ZNF69: variants seen among roughly 807,000 people sequenced by gnomAD.
The protein encoded by ZNF69 is zinc finger protein 69, also known as ZNF3.
In ZNF69, 47 loss-of-function variants were observed where a neutral mutation model predicts 50.9. The ratio of observed to expected loss-of-function variants is 0.92; its 90% CI spans 0.73 to 1.18. ZNF69 has a LOEUF of 1.18. Among genes scored for constraint, ZNF69 ranks in the 50% most tolerant of loss-of-function variants. The pLI is 0.00. For synonymous variants in ZNF69, 216 were observed against 223.1 expected, an observed-to-expected ratio of 0.97 and a Z score of 0.29; for missense variants, 717 against 675.1, an observed-to-expected ratio of 1.06 and a Z score of -0.69.
Position 11,906,195 on chromosome 19 carries a change from G to T in ZNF69, c.*97G>T. On this transcript the variant is annotated 3_prime_UTR_variant, in exon 4 of 4. Coordinates refer to ENST00000429654, the MANE Select transcript of ZNF69 (RefSeq NM_001364730.1). Reference sequence around the variant, plus strand: ...GTAAAGAATGTGGGAAACCCTTCAGGTCTGCCCAGAACCTTCGAATTCAGT... The same window carrying T: ...GTAAAGAATGTGGGAAACCCTTCAGTTCTGCCCAGAACCTTCGAATTCAGT... 4.5e-6 allele frequency: 7 copies of T among 1,550,782 alleles called. No homozygotes were observed. Among genetic ancestry groups the T allele is most frequent in the Non-Finnish European group, 5.2e-6 (6 of 1,156,414 alleles).
At chr19:11,979,052 ATTATC>A in the ZNF69 span, 1 of 1,614,140 alleles carries the variant, frequency 6.2e-7, no homozygotes, top group Non-Finnish European at 8.5e-7. Flanking sequence ...GTGGGAAAGC[ATTATC>A]TTATAAGTTT....
chr19:11,907,169 G>A (rs922658430), downstream of ZNF69, among the ~76,000 whole-genome samples: 10 of 152,284 alleles, frequency 6.6e-5, no homozygotes, highest in Admixed American at 2.6e-4. Flanking sequence ...AAGAAATATG[G>A]GACTATGTGA....
intron 1 of ZNF69, among the ~76,000 whole-genome samples, chr19:11,898,658 G>C (rs1972180190): frequency 6.6e-6 from 1 of 151,962 alleles, no homozygotes; most frequent in African/African-American, 2.4e-5. Flanking sequence ...CAAAGTGCTG[G>C]GATTACAGGC....
At chr19:11,922,101 C>G in the ZNF69 span, among the ~76,000 whole-genome samples, 1 of 151,948 alleles carries the variant, frequency 6.6e-6, no homozygotes. Flanking sequence ...CCAGACACCC[C>G]TCCCTTCCAG....
chr19:11,902,404 G>A (rs1972266912), intron 1 of ZNF69, among the ~76,000 whole-genome samples: 1 of 152,088 alleles, frequency 6.6e-6, no homozygotes, highest in African/African-American at 2.4e-5. Flanking sequence ...TGCCACCTCA[G>A]GAAGGTGGTA....
At chr19:11,950,966 C>T in the ZNF69 span, among the ~76,000 whole-genome samples, 22 of 151,906 alleles carry the variant, frequency 1.4e-4, no homozygotes, top group East Asian at 2.0e-3. Flanking sequence ...TTCTGACCAA[C>T]GTGGTGAAAC....
downstream of ZNF69, among the ~76,000 whole-genome samples, chr19:11,908,920 G>T (rs183848811): frequency 6.6e-6 from 1 of 151,780 alleles, no homozygotes; most frequent in Non-Finnish European, 1.5e-5. Context: ...TTGATAGACC[G>T]CCAGCAAGAC....
chr19:11,888,813 T>TA (rs1183985430), intron 1 of ZNF69, among the ~76,000 whole-genome samples: 3 of 151,716 alleles, frequency 2.0e-5, no homozygotes, highest in Non-Finnish European at 4.4e-5. Context: ...ACTAAAAATA[T>TA]AAAAAAGAAA....
intron 1 of ZNF69, among the ~76,000 whole-genome samples, chr19:11,897,180 T>C (rs1416143891): frequency 6.6e-6 from 1 of 151,994 alleles, no homozygotes; most frequent in Non-Finnish European, 1.5e-5. Flanking sequence ...AAACCTTGTC[T>C]CTACTAAAAA....
chr19:11,922,235 A>G, the ZNF69 span, among the ~76,000 whole-genome samples: 1 of 152,196 alleles, frequency 6.6e-6, no homozygotes, highest in Non-Finnish European at 1.5e-5. Context: ...TTTTCTTTCA[A>G]TGCAGCTACA....
At chr19:11,936,746 G>T in the ZNF69 span, among the ~76,000 whole-genome samples, 1 of 152,172 alleles carries the variant, frequency 6.6e-6, no homozygotes, top group Non-Finnish European at 1.5e-5. Flanking sequence ...TGGTGTTTTA[G>T]TCATGAAGTC....
chr19:11,977,967 G>T, the ZNF69 span: 1 of 942,694 alleles, frequency 1.1e-6, no homozygotes, highest in Middle Eastern at 3.4e-4. Context: ...ATGTCACCTT[G>T]TAGAACATGT....
the ZNF69 span, chr19:11,979,675 A>G: frequency 2.5e-4 from 399 of 1,601,362 alleles, 1 homozygote; most frequent in Middle Eastern, 3.3e-4. Context: ...CAATCCTTCA[A>G]ATGCATGCTG....
At chr19:11,947,710 A>T in the ZNF69 span, 6 of 917,388 alleles carry the variant, frequency 6.5e-6, no homozygotes, top group African/African-American at 1.0e-4. Context: ...CTCAAAAAAC[A>T]TATATTTAAA....
downstream of ZNF69, among the ~76,000 whole-genome samples, chr19:11,911,312 C>T (rs1972454106): frequency 1.3e-5 from 2 of 152,202 alleles, no homozygotes; most frequent in Admixed American, 6.5e-5. Flanking sequence ...ACCCAGCCAT[C>T]CCATTACTGG....
At chr19:11,912,250 A>T (rs1043107379) in intron 4 of ZNF69, among the ~76,000 whole-genome samples, 1 of 152,198 alleles carries the variant, frequency 6.6e-6, no homozygotes, top group Non-Finnish European at 1.5e-5. Flanking sequence ...TTGCAAATAC[A>T]TGAAAGGATG....
chr19:11,979,439 C>A, the ZNF69 span: 2 of 1,605,666 alleles, frequency 1.2e-6, no homozygotes, highest in African/African-American at 2.7e-5. Context: ...CATAAGAATA[C>A]ACTCTGGAGA....
downstream of ZNF69, among the ~76,000 whole-genome samples, chr19:11,918,115 C>A (rs183657579): frequency 6.6e-6 from 1 of 152,172 alleles, no homozygotes; most frequent in East Asian, 1.9e-4. Flanking sequence ...CAATGCTTTT[C>A]TTGTTTTTAT....
chr19:11,963,074 T>TGAGAGAGAGAGAGAGAGAGA, the ZNF69 span, among the ~76,000 whole-genome samples: 59 of 134,408 alleles, frequency 4.4e-4, no homozygotes, highest in African/African-American at 1.4e-3. Context: ...GGTAGTTTGG[T>TGAGAGAGAGAGAGAGAGAGA]GAGAGAGAGA....
Sources: allele counts gnomAD v4.1 joint callset (sites outside exome capture counted in the v4.1 genomes callset), GRCh38; gene constraint gnomAD v4.1.1; transcripts MANE v1.5; gene names NCBI Gene and HGNC (gene_info 2026-07-23, HGNC 2026-07-21).